Variants in SIGLEC12 observed in about 807,000 individuals in gnomAD.
The protein encoded by SIGLEC12 is sialic acid binding Ig like lectin 12.
Under a neutral mutation model 54.1 loss-of-function variants are expected in SIGLEC12, and 43 were observed. The ratio of observed to expected loss-of-function variants is 0.80; its 90% CI spans 0.62 to 1.03. The LOEUF is 1.03. Ranked by LOEUF, SIGLEC12 falls within the 50% of genes least tolerant of loss-of-function variation. The probability of loss-of-function intolerance (pLI) is 0.00; values close to 1 mark genes in which losing one functional copy is unlikely to be tolerated. For missense variants in SIGLEC12, 802 were observed against 735.2 expected, an observed-to-expected ratio of 1.09 and a Z score of -1.05; for synonymous variants, 357 against 307.6, an observed-to-expected ratio of 1.16 and a Z score of -1.68.
intron 1 of SIGLEC12, 38 bp from the exon 2 acceptor site, chr19:51,500,338 C>T (rs1179225065): frequency 8.7e-6 from 14 of 1,613,970 alleles, no homozygotes; most frequent in African/African-American, 2.7e-5. Context: ...CCCCACTGTC[C>T]CTCTCTTCAT....
At position 51,497,364 on chromosome 19, in the gene SIGLEC12, C is replaced by T; in HGVS notation, c.1487G>A (p.Cys496Tyr). ...CAATGCTCACACAACGAAGATGATG[C>T]AGAAGTACAGGAAGACCAGGGCTGT... ...GATALVFLYF[C>Y]IIFVVVRSCR... The change falls in exon 6 of 8, where the codon TGC (cysteine) becomes TAC (tyrosine). Residue 496 changes from cysteine to tyrosine, a missense_variant. Physicochemically the swap from Cys to Tyr is radical, Grantham distance 194. Coordinates refer to ENST00000291707, the MANE Select transcript of SIGLEC12 (RefSeq NM_053003.4). 3.1e-6 allele frequency: 5 copies of T among 1,613,074 alleles called. No homozygotes were observed. The highest frequency in any genetic ancestry group is 3.4e-6 in the Non-Finnish European group (4 of 1,179,180).
In SIGLEC12 at chr19:51,500,160, A is replaced by G. The variant is rs1990356066; in HGVS notation, c.568T>C (p.Trp190Arg). ...GGTATATCGGCCCCTTCCTTGAACC[A>G]GGATCCATAAACAGGGCTAGAGGCA... ...WTASSPVYGS[W>R]FKEGADIPWD... Residue 190 changes from tryptophan to arginine, a missense_variant, in exon 2 of 8, where the codon TGG becomes CGG. Trp to Arg is a moderately radical substitution (Grantham distance 101). Coordinates refer to ENST00000291707, the MANE Select transcript of SIGLEC12 (RefSeq NM_053003.4). 1 of 1,614,014 alleles carries G rather than the reference A, an allele frequency of 6.2e-7. No homozygotes were observed. Among genetic ancestry groups the G allele is most frequent in the African/African-American group, 1.3e-5 (1 of 74,894 alleles).
chr19:51,497,615 G>A (rs1016556169), intron 5 of SIGLEC12, among the ~76,000 whole-genome samples, 170 bp from the exon 6 acceptor site: 2 of 152,124 alleles, frequency 1.3e-5, no homozygotes, highest in African/African-American at 4.8e-5. Flanking sequence ...GAGAGTGCTG[G>A]GTGCAGTCTG....
At chr19:51,499,304 G>T in intron 3 of SIGLEC12, 87 bp from the exon 4 acceptor site, 5 of 1,581,604 alleles carry the variant, frequency 3.2e-6, no homozygotes, top group African/African-American at 1.3e-5. Context: ...AATGGGGAAG[G>T]TGGAGCCAGC....
chr19:51,495,297 ACGGACGGACGGGTGGG>A (rs1395801883), intron 7 of SIGLEC12, among the ~76,000 whole-genome samples: 7 of 88,176 alleles, frequency 7.9e-5, no homozygotes, highest in East Asian at 2.6e-4. Context: ...GGATGGATGG[ACGGACGGACGGGTGGG>A]TGGATGGATG....
chr19:51,497,658 T>A (rs1214300592), intron 5 of SIGLEC12, among the ~76,000 whole-genome samples: 1 of 152,234 alleles, frequency 6.6e-6, no homozygotes, highest in Non-Finnish European at 1.5e-5. Flanking sequence ...GTTTTCACCA[T>A]GGAATTATTT....
chr19:51,500,387 G>C, intron 1 of SIGLEC12, 87 bp from the exon 2 acceptor site: 1 of 1,605,854 alleles, frequency 6.2e-7, no homozygotes, highest in Non-Finnish European at 8.5e-7. Context: ...TGAGGCAGAG[G>C]CTTCCTGGGC....
At chr19:51,494,677 G>T (rs56069898) in intron 7 of SIGLEC12, among the ~76,000 whole-genome samples, 59 of 152,204 alleles carry the variant, frequency 3.9e-4, no homozygotes, top group African/African-American at 1.3e-3. Context: ...GCTCACGGCA[G>T]CATTATTCAC....
chr19:51,500,380 G>T, intron 1 of SIGLEC12, 80 bp from the exon 2 acceptor site: 2 of 1,610,460 alleles, frequency 1.2e-6, no homozygotes, highest in East Asian at 4.5e-5. Flanking sequence ...GCATCTCTGA[G>T]GCAGAGGCTT....
At chr19:51,499,328 C>G (rs1358628665) in intron 3 of SIGLEC12, 110 bp downstream of exon 3, 3 of 1,567,866 alleles carry the variant, frequency 1.9e-6, no homozygotes, top group Admixed American at 1.8e-5. Flanking sequence ...CTCCTGACCC[C>G]CAACTCCCAG....
At position 51,500,144 on chromosome 19, in the gene SIGLEC12, G is replaced by A. The variant is rs1431171273; in HGVS notation, c.584C>T (p.Ala195Val). 5 of 1,613,980 alleles carry A rather than the reference G, an allele frequency of 3.1e-6. No homozygotes were observed. The highest frequency in any genetic ancestry group is 4.2e-6 in the Non-Finnish European group (5 of 1,180,028). ...PVYGSWFKEG[A>V]DIPWDIPVAT... is the part of the protein sequence containing the mutation. ...CACTGGAATATCCCATGGTATATCG[G>A]CCCCTTCCTTGAACCAGGATCCATA... Residue 195 changes from alanine (A) to valine (V), a missense_variant, in exon 2 of 8, where the codon GCC (alanine) becomes GTC (valine). Physicochemically the swap from Ala to Val is moderately conservative, Grantham distance 64 (BLOSUM62 0). Coordinates refer to ENST00000291707, the MANE Select transcript of SIGLEC12 (RefSeq NM_053003.4).
intron 2 of SIGLEC12, 62 bp downstream of exon 2, chr19:51,499,858 T>C (rs1268767112): frequency 6.4e-7 from 1 of 1,558,088 alleles, no homozygotes; most frequent in African/African-American, 1.4e-5. Flanking sequence ...GGGTCCCACC[T>C]CAGCCCTACC....
At position 51,496,946 on chromosome 19, in the gene SIGLEC12, C is replaced by A. The variant is rs545739186; in HGVS notation, c.1533G>T (p.Arg511Ser). The change falls in exon 7 of 8, where the codon AGG becomes AGT. Residue 511 changes from arginine (R) to serine (S), a missense_variant. Coordinates refer to ENST00000291707, the MANE Select transcript of SIGLEC12 (RefSeq NM_053003.4). ...CTGTATCCCCCACGCCCACTGCTGG[C>A]CTTGCCGATTTCTTCCTGCAGGACC... Reference protein sequence around the residue: ...VVRSCRKKSARPAVGVGDTGM... With the variant: ...VVRSCRKKSASPAVGVGDTGM... The A allele has an allele frequency of 2.4e-5, 39 of 1,613,572 alleles. No homozygotes were observed. In the South Asian group the frequency reaches 4.0e-4, roughly 16 times the overall value.
chr19:51,501,125 A>AG (rs1355870040), intron 1 of SIGLEC12, among the ~76,000 whole-genome samples, 182 bp downstream of exon 1: 1 of 151,884 alleles, frequency 6.6e-6, no homozygotes, highest in Non-Finnish European at 1.5e-5. Context: ...TGGTGAGGGG[A>AG]GGGGCTTGCA....
In SIGLEC12 at chr19:51,499,651, T is replaced by C; in HGVS notation, c.874A>G (p.Thr292Ala). 2 of 1,613,956 alleles carry C rather than the reference T, an allele frequency of 1.2e-6. No individual in the cohort carries two copies. The highest frequency in any genetic ancestry group is 1.1e-5 in the South Asian group (1 of 91,068). Residue 292 changes from threonine (T) to alanine (A), a missense_variant, in exon 3 of 8, where the codon ACC (threonine) becomes GCC (alanine). Coordinates refer to ENST00000291707, the MANE Select transcript of SIGLEC12 (RefSeq NM_053003.4). The part of the protein sequence containing the change: ...TLESGHPRNL[T>A]CSVPWACEQG... ...TCACAGGCCCAGGGCACAGAGCAGG[T>C]CAGGTTCCTGGGGTGGCCAGACTCC...
intron 6 of SIGLEC12, 121 bp downstream of exon 6, chr19:51,497,228 C>G: frequency 2.1e-6 from 2 of 965,882 alleles, no homozygotes; most frequent in East Asian, 4.9e-5. Flanking sequence ...GCACCCATGA[C>G]CTCATTCTGG....
At position 51,499,156 on chromosome 19, in the gene SIGLEC12, G is replaced by A. The variant is rs764173688; in HGVS notation, c.1135+14C>T. 3 of 1,613,810 alleles carry A rather than the reference G, an allele frequency of 1.9e-6. No individual in the cohort carries two copies. Among genetic ancestry groups the A allele is most frequent in the Middle Eastern group, 1.7e-4 (1 of 6,046 alleles). On this transcript the variant is annotated intron_variant, in intron 4 of 7. Transcript: ENST00000291707. ...CTCTGCTCCTCCAGCCCCAGGGAGAGGACTCCATCTTACCTGTGCCATCTC... is the reference window on the plus strand; with the variant it reads ...CTCTGCTCCTCCAGCCCCAGGGAGAAGACTCCATCTTACCTGTGCCATCTC...
At chr19:51,495,358 C>T (rs1229474127) in intron 7 of SIGLEC12, among the ~76,000 whole-genome samples, 66 of 25,702 alleles carry the variant, frequency 2.6e-3, no homozygotes, top group South Asian at 3.4e-3. Flanking sequence ...GATGGACAGA[C>T]GGGTGGGTGG....
intron 7 of SIGLEC12, among the ~76,000 whole-genome samples, chr19:51,493,076 T>C (rs1202370625): frequency 6.6e-6 from 1 of 152,198 alleles, no homozygotes; most frequent in Admixed American, 6.5e-5. Context: ...CTGTCTTGAT[T>C]ACTCAAATTA....
Sources: gnomAD v4.1 joint callset for allele counts (sites outside exome capture counted in the v4.1 genomes callset) on GRCh38, gnomAD v4.1.1 for gene constraint, MANE v1.5 for transcripts, NCBI Gene and HGNC (gene_info 2026-07-23, HGNC 2026-07-21) for gene names.